DPP10: variants seen among roughly 807,000 people sequenced by gnomAD.
DPP10 encodes inactive dipeptidyl peptidase 10.
A neutral mutation model predicts 120.9 loss-of-function variants in DPP10; 33 were observed. That is an observed-to-expected ratio of 0.27 (90% CI 0.21 to 0.37). DPP10 has a LOEUF of 0.37. Among genes scored for constraint, DPP10 ranks in the 10% least tolerant of loss-of-function variants. The pLI is 1.00. For missense variants in DPP10, 816 were observed against 942.8 expected (o/e 0.87, Z 1.76); for synonymous variants, 337 against 326.1 (o/e 1.03, Z -0.36).
chr2:115,471,773 T>TTGTG, intron 3 of DPP10, among the ~76,000 whole-genome samples: 1 of 49,520 alleles, frequency 2.0e-5, no homozygotes, highest in Non-Finnish European at 4.4e-5. Flanking sequence ...GTTTGTCTGT[T>TTGTG]TTTGTTTGTT....
At chr2:114,870,490 A>G (rs1279984765) in intron 1 of DPP10, among the ~76,000 whole-genome samples, 1 of 152,018 alleles carries the variant, frequency 6.6e-6, no homozygotes, top group African/African-American at 2.4e-5. Flanking sequence ...TTATCTGGGG[A>G]AAAAAATCAG....
intron 1 of DPP10, among the ~76,000 whole-genome samples, chr2:114,495,214 T>C (rs1682408331): frequency 6.6e-6 from 1 of 152,180 alleles, no homozygotes; most frequent in Non-Finnish European, 1.5e-5. Flanking sequence ...TCCACAGCCA[T>C]GTCACCTGAG....
At chr2:115,399,692 T>C (rs921207804) in intron 3 of DPP10, among the ~76,000 whole-genome samples, 11 of 152,196 alleles carry the variant, frequency 7.2e-5, no homozygotes, top group African/African-American at 2.7e-4. Flanking sequence ...TTCCTTTTGA[T>C]TTAAATGTAA....
At chr2:114,866,626 G>A (rs1393015651) in intron 1 of DPP10, among the ~76,000 whole-genome samples, 1 of 152,202 alleles carries the variant, frequency 6.6e-6, no homozygotes, top group Non-Finnish European at 1.5e-5. Context: ...GTTTAGAGAT[G>A]TTAAGTAATT....
intron 5 of DPP10, among the ~76,000 whole-genome samples, chr2:115,538,597 G>A (rs2079002416): frequency 6.6e-6 from 1 of 151,948 alleles, no homozygotes; most frequent in South Asian, 2.1e-4. Context: ...GTGAATTTAA[G>A]CATGCATTTT....
At chr2:114,914,495 A>C (rs1694624057) in intron 1 of DPP10, among the ~76,000 whole-genome samples, 1 of 152,214 alleles carries the variant, frequency 6.6e-6, no homozygotes, top group Admixed American at 6.5e-5. Flanking sequence ...ATTCTTTTTG[A>C]ATAAGCACAT....
At chr2:115,648,336 C>A (rs959945395) in intron 5 of DPP10, among the ~76,000 whole-genome samples, 3 of 151,840 alleles carry the variant, frequency 2.0e-5, no homozygotes, top group East Asian at 1.9e-4. Context: ...GGAGTAAGTT[C>A]AAGAGATCTG....
At chr2:114,589,045 G>T (rs73946200) in intron 1 of DPP10, among the ~76,000 whole-genome samples, 1,904 of 150,400 alleles carry the variant, frequency 0.013, 89 homozygotes, top group African/African-American at 0.043. Flanking sequence ...TTTGGGGGGG[G>T]GGGTAGGGGA....
chr2:115,192,820 G>T (rs1255712205), intron 1 of DPP10, among the ~76,000 whole-genome samples: 1 of 151,236 alleles, frequency 6.6e-6, no homozygotes, highest in Non-Finnish European at 1.5e-5. Flanking sequence ...TTAAAGAGCA[G>T]GTTAGTGCTT....
intron 1 of DPP10, among the ~76,000 whole-genome samples, chr2:115,044,744 C>T (rs1343094833): frequency 6.6e-6 from 1 of 152,174 alleles, no homozygotes; most frequent in Non-Finnish European, 1.5e-5. Flanking sequence ...GTTAACCATT[C>T]TCAGTTTCCC....
chr2:115,345,057 T>G (rs889741189), intron 3 of DPP10, among the ~76,000 whole-genome samples: 3 of 152,218 alleles, frequency 2.0e-5, no homozygotes, highest in African/African-American at 4.8e-5. Flanking sequence ...GACACTGATA[T>G]GTCTCCTGGA....
intron 1 of DPP10, among the ~76,000 whole-genome samples, chr2:115,021,819 A>G (rs1428399787): frequency 6.6e-6 from 1 of 152,190 alleles, no homozygotes; most frequent in Non-Finnish European, 1.5e-5. Flanking sequence ...ACTGTGATCA[A>G]GTGGGTTTCA....
chr2:114,707,855 C>T (rs1700779856), intron 1 of DPP10, among the ~76,000 whole-genome samples: 1 of 152,132 alleles, frequency 6.6e-6, no homozygotes, highest in African/African-American at 2.4e-5. Flanking sequence ...TTCTATGCAC[C>T]AGTGTCAGTT....
intron 1 of DPP10, among the ~76,000 whole-genome samples, chr2:115,194,846 G>C (rs752713628): frequency 2.6e-5 from 4 of 152,114 alleles, no homozygotes; most frequent in Non-Finnish European, 5.9e-5. Context: ...AGATTACTCT[G>C]TGTTTCATAT....
chr2:114,541,294 C>T (rs1437029313), intron 1 of DPP10, among the ~76,000 whole-genome samples: 2 of 152,148 alleles, frequency 1.3e-5, no homozygotes, highest in African/African-American at 4.8e-5. Context: ...ATATTCCATC[C>T]AGTGGTTTGT....
At chr2:114,536,364 T>C (rs1349293880) in intron 1 of DPP10, among the ~76,000 whole-genome samples, 2 of 152,014 alleles carry the variant, frequency 1.3e-5, no homozygotes, top group Non-Finnish European at 2.9e-5. Context: ...GTAACTTTAG[T>C]GTATTCCTTT....
intron 1 of DPP10, among the ~76,000 whole-genome samples, chr2:114,445,512 T>C (rs1445978502): frequency 6.6e-6 from 1 of 150,552 alleles, no homozygotes; most frequent in Non-Finnish European, 1.5e-5. Context: ...GCCAAAAGTG[T>C]GCAGGAGGAG....
At chr2:115,484,375 G>C (rs2075639606) in intron 3 of DPP10, among the ~76,000 whole-genome samples, 1 of 151,962 alleles carries the variant, frequency 6.6e-6, no homozygotes. Context: ...CTGTCATCCA[G>C]AAAATAACTT....
chr2:115,403,105 GT>G (rs2104505069), intron 3 of DPP10, among the ~76,000 whole-genome samples: 1 of 151,106 alleles, frequency 6.6e-6, no homozygotes, highest in Non-Finnish European at 1.5e-5. Context: ...TGCAAAGATG[GT>G]TCAAAATATG....
Sources: gnomAD v4.1 joint callset for allele counts (sites outside exome capture counted in the v4.1 genomes callset) on GRCh38, gnomAD v4.1.1 for gene constraint, MANE v1.5 for transcripts, NCBI Gene and HGNC (gene_info 2026-07-23, HGNC 2026-07-21) for gene names.